The following RHOA variants were observed in gnomAD, a reference collection of about 807,000 sequenced individuals.
RHOA encodes the protein ras homolog family member A, also known as transforming protein RhoA.
In RHOA, 3 loss-of-function variants were observed where a neutral mutation model predicts 17.5. That is an observed-to-expected ratio of 0.17 (90% CI 0.08 to 0.44). The LOEUF (loss-of-function observed/expected upper bound fraction) is 0.44, where lower values mean the gene tolerates loss of function less well. Ranked by LOEUF, RHOA falls within the 20% of genes least tolerant of loss-of-function variation. The pLI is 0.99. For synonymous variants in RHOA, 98 were observed against 88.4 expected (o/e 1.11, Z -0.61); for missense variants, 56 against 242.3 (o/e 0.23, Z 5.10).
intron 1 of RHOA, among the ~76,000 whole-genome samples, chr3:49,397,532 T>G (rs1396868982): frequency 6.6e-6 from 1 of 152,058 alleles, no homozygotes. Context: ...AAAATAAGCG[T>G]TGAAAGTATG....
intron 1 of RHOA, among the ~76,000 whole-genome samples, chr3:49,386,710 G>C (rs750498758): frequency 6.6e-6 from 1 of 152,058 alleles, no homozygotes; most frequent in Non-Finnish European, 1.5e-5. Flanking sequence ...TGCAACTTAG[G>C]GCGATTAACT....
chr3:49,390,116 T>C (rs2048471838), intron 1 of RHOA, among the ~76,000 whole-genome samples: 1 of 151,872 alleles, frequency 6.6e-6, no homozygotes, highest in South Asian at 2.1e-4. Flanking sequence ...GCAAATAGCT[T>C]TGACAGTCCG....
intron 1 of RHOA, among the ~76,000 whole-genome samples, chr3:49,404,590 C>A (rs2048786985): frequency 9.5e-6 from 1 of 105,818 alleles, no homozygotes; most frequent in Admixed American, 1.5e-4. Flanking sequence ...CCAGCTTAGA[C>A]AACAGAGCAA....
intron 1 of RHOA, among the ~76,000 whole-genome samples, chr3:49,387,299 C>T (rs1308847220): frequency 2.0e-5 from 3 of 149,178 alleles, no homozygotes; most frequent in African/African-American, 7.4e-5. Flanking sequence ...AAAAAATTAG[C>T]CAGGCATGGT....
At chr3:49,368,707 C>CTTTTTT (rs374609508) in intron 2 of RHOA, among the ~76,000 whole-genome samples, 159 bp from the exon 3 acceptor site, 17 of 130,310 alleles carry the variant, frequency 1.3e-4, no homozygotes, top group Admixed American at 3.1e-4. Flanking sequence ...TTTCTTTTTT[C>CTTTTTT]TTTTTTTTTT....
chr3:49,361,985 C>T (rs1575640537), intron 4 of RHOA, among the ~76,000 whole-genome samples: 1 of 151,498 alleles, frequency 6.6e-6, no homozygotes, highest in South Asian at 2.1e-4. Context: ...GTAAGGAGTT[C>T]AAGACCAGCC....
intron 1 of RHOA, 29 bp downstream of exon 1, chr3:49,411,791 C>T (rs1279219444): frequency 1.3e-5 from 2 of 151,882 alleles, no homozygotes; most frequent in African/African-American, 2.4e-5. Flanking sequence ...TGGGGCCCCG[C>T]GGCGCCTGGA....
chr3:49,371,407 G>A (rs1395122475), intron 2 of RHOA, among the ~76,000 whole-genome samples: 3 of 151,592 alleles, frequency 2.0e-5, no homozygotes, highest in Admixed American at 6.6e-5. Flanking sequence ...AGCCTCCCAA[G>A]TAGCTGGGAT....
chr3:49,404,168 G>A (rs2048772827), intron 1 of RHOA, among the ~76,000 whole-genome samples: 1 of 151,238 alleles, frequency 6.6e-6, no homozygotes. Context: ...GGGCGCAGTG[G>A]CACATACACC....
At position 49,359,459 on chromosome 3, in the gene RHOA, T is replaced by G. The variant is rs1338755783; in HGVS notation, c.*750A>C. On this transcript the variant is annotated 3_prime_UTR_variant, in exon 5 of 5. Coordinates refer to ENST00000418115, the MANE Select transcript of RHOA (RefSeq NM_001664.4). ...CCGAAAAGGGGTAATATGGCCATCT[T>G]TTATCAGAAAAAGTGACAAAACGGG... 2 of 191,128 alleles carry G rather than the reference T, an allele frequency of 1.0e-5. No individual in the cohort carries two copies. Among genetic ancestry groups the G allele is most frequent in the Non-Finnish European group, 2.2e-5 (2 of 91,138 alleles). The allele number at this position is 191,128 out of a possible 1,614,324, so 11.8% of individuals were successfully genotyped here. A position where few individuals can be genotyped will look rare whatever the true frequency, so the allele number is the denominator to read the frequency against.
chr3:49,401,408 T>C (rs1250469888), intron 1 of RHOA, among the ~76,000 whole-genome samples: 1 of 151,898 alleles, frequency 6.6e-6, no homozygotes, highest in Non-Finnish European at 1.5e-5. Context: ...ATCCCAGCAC[T>C]TTGGGAGGCC....
chr3:49,408,894 G>A (rs566767227), intron 1 of RHOA, among the ~76,000 whole-genome samples: 15 of 151,502 alleles, frequency 9.9e-5, no homozygotes, highest in African/African-American at 3.4e-4. Flanking sequence ...TCGGGTTCAC[G>A]CCATTCCCCT....
At position 49,368,413 on chromosome 3, in the gene RHOA, T is replaced by G. The variant is rs757725321; in HGVS notation, c.277+15A>C. On this transcript the variant is annotated intron_variant, in intron 3 of 4. Coordinates refer to ENST00000418115, the MANE Select transcript of RHOA (RefSeq NM_001664.4). The stretch of plus-strand genomic sequence containing the variant: ...ACACAGGCAGTGACAAATATCAGGG[T>G]GCAGGGCCACTCACCTAAACTATCA... 1.9e-6 allele frequency: 3 copies of G among 1,612,286 alleles called. No homozygotes were observed. The highest frequency in any genetic ancestry group is 3.3e-5 in the Admixed American group (2 of 59,888).
chr3:49,372,290 CTGTAT>C (rs2048158308), intron 2 of RHOA, among the ~76,000 whole-genome samples: 1 of 152,186 alleles, frequency 6.6e-6, no homozygotes, highest in South Asian at 2.1e-4. Context: ...TTAACACCCT[CTGTAT>C]TGGTTTGCCA....
intron 1 of RHOA, among the ~76,000 whole-genome samples, chr3:49,397,646 G>A (rs1227099232): frequency 6.6e-6 from 1 of 151,998 alleles, no homozygotes; most frequent in East Asian, 1.9e-4. Flanking sequence ...AGCTAGGTGG[G>A]GTATTAAGAT....
At chr3:49,374,421 TGAAAA>T (rs1244424755) in intron 2 of RHOA, among the ~76,000 whole-genome samples, 1 of 151,924 alleles carries the variant, frequency 6.6e-6, no homozygotes, top group Non-Finnish European at 1.5e-5. Flanking sequence ...TACGTAAACT[TGAAAA>T]GAGCACATAT....
At chr3:49,390,197 C>A (rs2048473749) in intron 1 of RHOA, among the ~76,000 whole-genome samples, 1 of 151,668 alleles carries the variant, frequency 6.6e-6, no homozygotes, top group African/African-American at 2.4e-5. Context: ...TGCAGTGGCA[C>A]AATCTCAGCT....
Position 49,408,133 on chromosome 3 carries a change from C to T in RHOA, c.-3+3687G>A, listed in dbSNP as rs1419150514. Reference sequence around the variant, plus strand: ...GAGATGGCGCTACTGCACTCTGGCCCGGACGACAGAGTGAGACTCAGTCTC... The same window carrying T: ...GAGATGGCGCTACTGCACTCTGGCCTGGACGACAGAGTGAGACTCAGTCTC... On this transcript the variant is annotated intron_variant, in intron 1 of 4. Coordinates refer to ENST00000418115, the MANE Select transcript of RHOA (RefSeq NM_001664.4). 3.3e-5 allele frequency among the ~76,000 whole-genome samples: 5 copies of T among 150,440 alleles called. No individual in the cohort carries two copies. In the South Asian group the frequency reaches 8.4e-4, roughly 25 times the overall value.
intron 1 of RHOA, among the ~76,000 whole-genome samples, chr3:49,406,538 G>A (rs996762344): frequency 3.3e-5 from 5 of 152,202 alleles, no homozygotes; most frequent in African/African-American, 1.2e-4. Flanking sequence ...GGAAGCTGAG[G>A]CGGGTGGATT....
Sources: allele counts gnomAD v4.1 joint callset (sites outside exome capture counted in the v4.1 genomes callset), GRCh38; gene constraint gnomAD v4.1.1; transcripts MANE v1.5; gene names NCBI Gene and HGNC (gene_info 2026-07-23, HGNC 2026-07-21).